The following PFKP variants were observed in gnomAD, a reference collection of about 807,000 sequenced individuals.
PFKP encodes the protein phosphofructokinase, platelet, also known as ATP-dependent 6-phosphofructokinase, platelet type.
Under a neutral mutation model 94.3 loss-of-function variants are expected in PFKP, and 101 were observed. That is an observed-to-expected ratio of 1.07 (90% CI 0.91 to 1.26). PFKP has a LOEUF of 1.26. PFKP is among the 50% of genes most tolerant of loss of function. The pLI is 0.00. For synonymous variants in PFKP, 573 were observed against 432.6 expected, an observed-to-expected ratio of 1.32 and a Z score of -4.03; for missense variants, 1,145 against 1,103.3, an observed-to-expected ratio of 1.04 and a Z score of -0.53.
chr10:3,072,291 A>T (rs1201050487), intron 1 of PFKP, among the ~76,000 whole-genome samples: 1 of 152,268 alleles, frequency 6.6e-6, no homozygotes, highest in African/African-American at 2.4e-5. Context: ...GACGTGCATT[A>T]GGTCAATGAC....
chr10:3,080,431 G>C (rs944401768), intron 1 of PFKP, among the ~76,000 whole-genome samples: 25 of 149,610 alleles, frequency 1.7e-4, no homozygotes, highest in African/African-American at 6.1e-4. Context: ...GCAGGAGAAT[G>C]GCGTGAACCT....
intron 2 of PFKP, among the ~76,000 whole-genome samples, chr10:3,095,701 A>C (rs1249568643): frequency 6.6e-6 from 1 of 152,246 alleles, no homozygotes; most frequent in Non-Finnish European, 1.5e-5. Context: ...CCTTCTAAGA[A>C]GACTTCAAAA....
chr10:3,082,375 G>A lies in PFKP; in HGVS notation c.113-13G>A, dbSNP rs1833150513. 1.2e-6 allele frequency: 2 copies of A among 1,601,406 alleles called. No individual in the cohort carries two copies. Among genetic ancestry groups the A allele is most frequent in the East Asian group, 2.2e-5 (1 of 44,466 alleles). ...GGGCTCTTCAGTGACTCTTGCTCCT[G>A]TTTCCACTGCAGGTATGAACGCTGC... On this transcript the variant is annotated splice_polypyrimidine_tract_variant and intron_variant, in intron 1 of 21. Coordinates refer to ENST00000381125, the MANE Select transcript of PFKP (RefSeq NM_002627.5).
chr10:3,113,599 A>G, intron 13 of PFKP, 81 bp downstream of exon 13: 1 of 1,202,428 alleles, frequency 8.3e-7, no homozygotes. Flanking sequence ...GGTGCCCTCC[A>G]TGGCCCTCAT....
At position 3,136,510 on chromosome 10, in the gene PFKP, C is replaced by T. The variant is rs538860540; in HGVS notation, c.2286C>T (p.Ala762=). ...TACGGCCCCTCATGAAAATCCTGGC[C>T]AAGTACAAGGCCAGCTATGACGTGT... is the stretch of plus-strand genomic sequence containing the variant. The part of the protein sequence containing the change: ...LKLRPLMKIL[A]KYKASYDVSD... Residue 762 remains alanine, a synonymous_variant, in exon 22 of 22, where the codon GCC becomes GCT. Transcript: ENST00000381125. 3.1e-6 allele frequency: 5 copies of T among 1,613,636 alleles called. No individual in the cohort carries two copies. Among genetic ancestry groups the T allele is most frequent in the Admixed American group, 1.7e-5 (1 of 59,968 alleles).
chr10:3,133,918 T>C (rs139397667), intron 19 of PFKP, among the ~76,000 whole-genome samples: 294 of 152,296 alleles, frequency 1.9e-3, no homozygotes, highest in African/African-American at 6.3e-3. Flanking sequence ...TTCCCTAAGA[T>C]TTAAAATGGA....
chr10:3,067,571 T>C lies in PFKP; in HGVS notation c.-25T>C, dbSNP rs1388873860. On this transcript the variant is annotated 5_prime_UTR_variant, in exon 1 of 22. Coordinates refer to ENST00000381125, the MANE Select transcript of PFKP (RefSeq NM_002627.5). ...CCATTGCCTGCTGCGCACCCGGACG[T>C]GCGGCTCCCCTCGGCCTCCTCGCCA... 1.8e-5 allele frequency: 24 copies of C among 1,309,742 alleles called. No individual in the cohort carries two copies. The highest frequency in any genetic ancestry group is 2.2e-5 in the Non-Finnish European group (21 of 947,136). 81.1% of individuals were successfully genotyped at this position (1,309,742 alleles called of 1,614,324 possible). A position where few individuals can be genotyped will look rare whatever the true frequency, so the allele number is the denominator to read the frequency against.
At chr10:3,093,240 A>AC (rs1206558540) in intron 2 of PFKP, among the ~76,000 whole-genome samples, 1 of 148,978 alleles carries the variant, frequency 6.7e-6, no homozygotes, top group African/African-American at 2.5e-5. Context: ...CCTGACTGTC[A>AC]CCCCCACCTT....
chr10:3,075,112 A>G (rs1263721650), intron 1 of PFKP, among the ~76,000 whole-genome samples: 2 of 152,252 alleles, frequency 1.3e-5, no homozygotes, highest in African/African-American at 4.8e-5. Context: ...CTTAAGGCAC[A>G]TATCTCATGC....
intron 2 of PFKP, among the ~76,000 whole-genome samples, chr10:3,097,535 C>T (rs1247989392): frequency 1.3e-5 from 2 of 152,000 alleles, no homozygotes; most frequent in African/African-American, 4.8e-5. Flanking sequence ...AGGTAGGGGG[C>T]CTGGTGATGG....
intron 8 of PFKP, chr10:3,107,954 A>G (rs1835800683): frequency 7.8e-7 from 1 of 1,289,580 alleles, no homozygotes; most frequent in South Asian, 1.2e-5. Context: ...GGGGCAGAAG[A>G]CGTCCCCACC....
chr10:3,112,170 G>C (rs1836302801), intron 10 of PFKP, 52 bp from the exon 11 acceptor site: 2 of 1,449,922 alleles, frequency 1.4e-6, no homozygotes, highest in South Asian at 2.3e-5. Context: ...CCCCATCCAT[G>C]ATGCACCAGG....
intron 2 of PFKP, among the ~76,000 whole-genome samples, chr10:3,093,859 G>C (rs1003261022): frequency 2.2e-4 from 33 of 152,072 alleles, no homozygotes; most frequent in African/African-American, 6.3e-4. Context: ...TAGCCAGGAT[G>C]GTCTCCATCT....
chr10:3,070,799 C>G (rs1488659619), intron 1 of PFKP, among the ~76,000 whole-genome samples: 3 of 152,162 alleles, frequency 2.0e-5, no homozygotes, highest in African/African-American at 4.8e-5. Context: ...GTGGTGCCAT[C>G]ATAGCTCACT....
chr10:3,124,449 T>C (rs570534341), intron 16 of PFKP, among the ~76,000 whole-genome samples: 1 of 152,316 alleles, frequency 6.6e-6, no homozygotes, highest in African/African-American at 2.4e-5. Context: ...CATTTCCCAG[T>C]GGAACCCCAG....
intron 11 of PFKP, among the ~76,000 whole-genome samples, chr10:3,112,627 A>G (rs193073268): frequency 3.4e-4 from 52 of 152,292 alleles, no homozygotes; most frequent in Non-Finnish European, 5.9e-5. Context: ...GTGCCATCTC[A>G]GCTCCCTGCA....
At chr10:3,083,657 TTTTG>T (rs1427615933) in intron 2 of PFKP, among the ~76,000 whole-genome samples, 3 of 149,880 alleles carry the variant, frequency 2.0e-5, no homozygotes, top group Admixed American at 6.6e-5. Context: ...ATTTTATTTT[TTTTG>T]AGAAAAATCT....
At chr10:3,088,388 G>A (rs1159175543) in intron 2 of PFKP, among the ~76,000 whole-genome samples, 1 of 152,034 alleles carries the variant, frequency 6.6e-6, no homozygotes, top group South Asian at 2.1e-4. Context: ...TCTTAATCCA[G>A]TCTATCACTG....
intron 1 of PFKP, among the ~76,000 whole-genome samples, chr10:3,069,957 A>G (rs1174557836): frequency 6.6e-6 from 1 of 152,220 alleles, no homozygotes; most frequent in Non-Finnish European, 1.5e-5. Context: ...TTCTGGGGAA[A>G]ATGATACTTT....
Sources: allele counts gnomAD v4.1 joint callset (sites outside exome capture counted in the v4.1 genomes callset), GRCh38; gene constraint gnomAD v4.1.1; transcripts MANE v1.5; gene names NCBI Gene and HGNC (gene_info 2026-07-23, HGNC 2026-07-21).